The following STAU2 variants were observed in gnomAD, a reference collection of about 807,000 sequenced individuals.
STAU2 encodes double-stranded RNA-binding protein Staufen homolog 2.
STAU2 carries 20 observed loss-of-function variants against 65.9 expected under a neutral mutation model. The observed-to-expected ratio is 0.30, with a 90% CI of 0.21 to 0.44. The LOEUF (loss-of-function observed/expected upper bound fraction) is 0.44, where lower values mean the gene tolerates loss of function less well. Ranked by LOEUF, STAU2 falls within the 20% of genes least tolerant of loss-of-function variation. STAU2 has a pLI of 1.00. For missense variants in STAU2, 558 were observed against 683.9 expected (o/e 0.82, Z 2.05); for synonymous variants, 232 against 233.9 (o/e 0.99, Z 0.07).
intron 13 of STAU2, among the ~76,000 whole-genome samples, chr8:73,463,247 G>A (rs1819470097): frequency 6.6e-6 from 1 of 152,216 alleles, no homozygotes; most frequent in Non-Finnish European, 1.5e-5. Flanking sequence ...CCTTGTGCAT[G>A]GCAACATGCA....
chr8:73,568,909 C>T (rs1399285020), intron 12 of STAU2, among the ~76,000 whole-genome samples: 2 of 152,106 alleles, frequency 1.3e-5, no homozygotes, highest in South Asian at 2.1e-4. Context: ...CCAGTGTGAG[C>T]GATGCAGAAG....
intron 9 of STAU2, among the ~76,000 whole-genome samples, chr8:73,610,821 A>G (rs538776072): frequency 6.6e-6 from 1 of 152,350 alleles, no homozygotes; most frequent in East Asian, 1.9e-4. Context: ...TTTACATGTT[A>G]ACAGGATAAC....
intron 3 of STAU2, among the ~76,000 whole-genome samples, chr8:73,723,032 C>T (rs1213399181): frequency 6.6e-6 from 1 of 152,086 alleles, no homozygotes; most frequent in African/African-American, 2.4e-5. Flanking sequence ...CGTATCCTAG[C>T]CGCTCAGGGC....
At chr8:73,713,810 T>C (rs1478347890) in intron 3 of STAU2, among the ~76,000 whole-genome samples, 1 of 152,184 alleles carries the variant, frequency 6.6e-6, no homozygotes, top group Admixed American at 6.5e-5. Flanking sequence ...CCAGAACTGT[T>C]GCTACTAAGG....
chr8:73,568,617 A>G (rs1220684312), intron 12 of STAU2, among the ~76,000 whole-genome samples: 1 of 152,220 alleles, frequency 6.6e-6, no homozygotes, highest in African/African-American at 2.4e-5. Flanking sequence ...TCAAAAAAAA[A>G]AAGACAACGA....
chr8:73,506,748 G>C (rs1822092305), intron 13 of STAU2, among the ~76,000 whole-genome samples: 1 of 152,146 alleles, frequency 6.6e-6, no homozygotes, highest in African/African-American at 2.4e-5. Context: ...ATGCAATGCT[G>C]TTTGATAATA....
At chr8:73,618,891 C>T (rs137904313) in intron 6 of STAU2, among the ~76,000 whole-genome samples, 24 of 152,252 alleles carry the variant, frequency 1.6e-4, no homozygotes, top group African/African-American at 4.8e-4. Context: ...ATCACGGTTT[C>T]GGAACTAAAC....
At chr8:73,598,902 C>G (rs1427626676) in intron 10 of STAU2, among the ~76,000 whole-genome samples, 1 of 152,134 alleles carries the variant, frequency 6.6e-6, no homozygotes, top group African/African-American at 2.4e-5. Context: ...ATAACATTTA[C>G]ATTAAATGAA....
intron 13 of STAU2, among the ~76,000 whole-genome samples, chr8:73,469,479 A>T (rs1489107518): frequency 3.3e-5 from 5 of 150,910 alleles, no homozygotes; most frequent in African/African-American, 1.2e-4. Flanking sequence ...TATTTAAAAA[A>T]AAAAAAAGAA....
At position 73,481,517 on chromosome 8, in the gene STAU2, A is replaced by AAAC. The variant is rs1554595568; in HGVS notation, c.1531-58816_1531-58815insGTT. Among the ~76,000 whole-genome samples the AAAC allele has an allele frequency of 9.8e-3, 272 of 27,692 alleles. 4 individuals are homozygous for AAAC. The highest frequency in any genetic ancestry group is 0.02 in the African/African-American group (230 of 11,240). 18.2% of individuals were successfully genotyped at this position (27,692 alleles called of 152,430 possible). A position where few individuals can be genotyped will look rare whatever the true frequency, so the allele number is the denominator to read the frequency against. ...AAATAAGCCAAAAAAACAAAAAAAC[A>AAAC]AAAAAAAAAAACACTTTTTTTGAGT... On this transcript the variant is annotated intron_variant, in intron 13 of 14. Transcript: ENST00000524300.
At chr8:73,548,070 T>A (rs1807062422) in intron 13 of STAU2, among the ~76,000 whole-genome samples, 1 of 152,098 alleles carries the variant, frequency 6.6e-6, no homozygotes, top group Non-Finnish European at 1.5e-5. Context: ...GACTTGAGCG[T>A]CCATGAACTT....
chr8:73,552,451 T>A, intron 12 of STAU2, 132 bp from the exon 13 acceptor site: 1 of 803,748 alleles, frequency 1.2e-6, no homozygotes, highest in Non-Finnish European at 1.9e-6. Flanking sequence ...AGTATCTTTG[T>A]CATACTGTAG....
intron 13 of STAU2, among the ~76,000 whole-genome samples, chr8:73,502,683 T>G (rs1821831821): frequency 6.6e-6 from 1 of 152,074 alleles, no homozygotes; most frequent in Non-Finnish European, 1.5e-5. Context: ...TTTGTGGAAA[T>G]CACTCCTGCC....
At chr8:73,673,300 G>T in intron 5 of STAU2, 58 bp from the exon 6 acceptor site, 2 of 1,437,938 alleles carry the variant, frequency 1.4e-6, no homozygotes, top group Non-Finnish European at 9.2e-7. Context: ...AATTAAACAT[G>T]CAAGCTATAT....
intron 11 of STAU2, among the ~76,000 whole-genome samples, chr8:73,583,712 C>A (rs188109988): frequency 2.6e-5 from 4 of 151,854 alleles, no homozygotes; most frequent in Admixed American, 2.6e-4. Flanking sequence ...AAAACTAAGT[C>A]CTAACTTTAA....
intron 13 of STAU2, among the ~76,000 whole-genome samples, chr8:73,507,722 T>A (rs913032722): frequency 6.6e-6 from 1 of 152,240 alleles, no homozygotes; most frequent in Non-Finnish European, 1.5e-5. Context: ...CCAGATGGTA[T>A]CTTCTTCCAA....
intron 13 of STAU2, among the ~76,000 whole-genome samples, chr8:73,427,691 C>T (rs575951773): frequency 3.3e-5 from 5 of 152,358 alleles, no homozygotes; most frequent in East Asian, 3.9e-4. Context: ...GCGCGTGGGG[C>T]GCTAAAGGCC....
At chr8:73,551,917 T>C (rs1205440090) in intron 13 of STAU2, 95 bp downstream of exon 13, 3 of 1,435,124 alleles carry the variant, frequency 2.1e-6, no homozygotes, top group East Asian at 2.3e-5. Context: ...ATGTAGGCCA[T>C]ACTAGCAGGC....
intron 1 of STAU2, among the ~76,000 whole-genome samples, chr8:73,746,220 G>C (rs896754878): frequency 6.6e-6 from 1 of 151,840 alleles, no homozygotes; most frequent in Admixed American, 6.6e-5. Flanking sequence ...AATAGCTGCC[G>C]CCGCCACCCT....
Sources: gnomAD v4.1 joint callset for allele counts (sites outside exome capture counted in the v4.1 genomes callset) on GRCh38, gnomAD v4.1.1 for gene constraint, MANE v1.5 for transcripts, NCBI Gene and HGNC (gene_info 2026-07-23, HGNC 2026-07-21) for gene names.